MGAT4C: variants seen among roughly 807,000 people sequenced by gnomAD.
MGAT4C encodes the protein MGAT4 family member C, also known as alpha-1,3-mannosyl-glycoprotein 4-beta-N-acetylglucosaminyltransferase C.
Under a neutral mutation model 40.1 loss-of-function variants are expected in MGAT4C, and 19 were observed. The observed-to-expected ratio is 0.47, with a 90% CI of 0.33 to 0.70. The LOEUF is 0.70. Among genes scored for constraint, MGAT4C ranks in the 30% least tolerant of loss-of-function variants. The probability of loss-of-function intolerance (pLI) is 0.02; values close to 1 mark genes in which losing one functional copy is unlikely to be tolerated. For synonymous variants in MGAT4C, 181 were observed against 187.1 expected (o/e 0.97, Z 0.27); for missense variants, 491 against 563.2 (o/e 0.87, Z 1.30).
intron 4 of MGAT4C, among the ~76,000 whole-genome samples, chr12:86,302,043 A>G (rs1953825741): frequency 6.6e-6 from 1 of 150,998 alleles, no homozygotes; most frequent in Non-Finnish European, 1.5e-5. Context: ...ATGAAACTCT[A>G]GAATAAATCT....
At chr12:86,441,929 C>T (rs529511509) in intron 2 of MGAT4C, among the ~76,000 whole-genome samples, 3 of 152,276 alleles carry the variant, frequency 2.0e-5, no homozygotes, top group African/African-American at 7.2e-5. Flanking sequence ...CACTGTCTTC[C>T]ACAATGGTTG....
chr12:86,727,617 T>C (rs1282733207), intron 1 of MGAT4C, among the ~76,000 whole-genome samples: 1 of 152,068 alleles, frequency 6.6e-6, no homozygotes, highest in African/African-American at 2.4e-5. Flanking sequence ...TACTTAATGA[T>C]ACAAAAATTT....
At chr12:86,167,637 CAAGA>C (rs554341435) in intron 1 of MGAT4C, among the ~76,000 whole-genome samples, 31 of 138,270 alleles carry the variant, frequency 2.2e-4, no homozygotes, top group Non-Finnish European at 1.4e-4. Flanking sequence ...CAGTTACATA[CAAGA>C]AAGAGAGGGG....
At chr12:86,802,296 G>C (rs1952244668) in intron 1 of MGAT4C, among the ~76,000 whole-genome samples, 1 of 151,868 alleles carries the variant, frequency 6.6e-6, no homozygotes, top group Non-Finnish European at 1.5e-5. Flanking sequence ...AATTCAGTCT[G>C]TGATTACTGA....
chr12:86,290,627 C>A (rs2136127559), intron 4 of MGAT4C, among the ~76,000 whole-genome samples: 1 of 151,642 alleles, frequency 6.6e-6, no homozygotes, highest in South Asian at 2.1e-4. Flanking sequence ...CTGACAAAAT[C>A]ATTTGTGCAT....
chr12:86,704,348 C>T (rs893359560), intron 2 of MGAT4C, among the ~76,000 whole-genome samples: 5 of 151,914 alleles, frequency 3.3e-5, no homozygotes, highest in Non-Finnish European at 7.4e-5. Flanking sequence ...ACAGACCTTA[C>T]CTTTGACCAA....
At chr12:86,655,239 A>G (rs1963815016) in intron 2 of MGAT4C, among the ~76,000 whole-genome samples, 1 of 151,848 alleles carries the variant, frequency 6.6e-6, no homozygotes, top group Non-Finnish European at 1.5e-5. Flanking sequence ...CCTGTTGTGG[A>G]AGGCAGTGTG....
At chr12:86,789,856 T>C (rs1042220718) in intron 1 of MGAT4C, among the ~76,000 whole-genome samples, 10 of 152,172 alleles carry the variant, frequency 6.6e-5, no homozygotes, top group Admixed American at 6.6e-5. Flanking sequence ...ATGCTATTAC[T>C]ATCTACATTA....
At chr12:86,653,565 C>T (rs553687063) in intron 2 of MGAT4C, among the ~76,000 whole-genome samples, 35 of 151,806 alleles carry the variant, frequency 2.3e-4, no homozygotes, top group South Asian at 6.2e-4. Context: ...TGGATGTGGA[C>T]GGTTTATTAG....
chr12:86,655,090 G>A (rs1314476559), intron 2 of MGAT4C, among the ~76,000 whole-genome samples: 2 of 151,802 alleles, frequency 1.3e-5, no homozygotes, highest in Non-Finnish European at 2.9e-5. Context: ...ACAGCATGCA[G>A]GTTTGTTGCA....
intron 4 of MGAT4C, among the ~76,000 whole-genome samples, chr12:86,277,611 T>A (rs1953108085): frequency 6.6e-6 from 1 of 152,202 alleles, no homozygotes. Flanking sequence ...TTCTTCTGCA[T>A]ATGGATATCC....
rs113979817 is a variant in MGAT4C at position 86,502,253 on chromosome 12, A to C, written c.-228-66988T>G. 3.3e-3 allele frequency among the ~76,000 whole-genome samples: 505 copies of C among 152,136 alleles called. 1 individual carries two copies. Among genetic ancestry groups the C allele is most frequent in the African/African-American group, 0.012 (489 of 41,544 alleles). Reference sequence around the variant, plus strand: ...AGTGAGAGAAGCAAATCCTAAAATGATACATATTATATGATCCCAACTCTG... The same window carrying C: ...AGTGAGAGAAGCAAATCCTAAAATGCTACATATTATATGATCCCAACTCTG... On this transcript the variant is annotated intron_variant, in intron 2 of 7. Transcript: ENST00000548651.
chr12:86,547,471 T>G (rs1178002855), intron 2 of MGAT4C, among the ~76,000 whole-genome samples: 1 of 152,156 alleles, frequency 6.6e-6, no homozygotes, highest in African/African-American at 2.4e-5. Context: ...TTTGACTGTT[T>G]ATCTCATTGA....
chr12:86,315,645 G>T (rs1954196743), intron 4 of MGAT4C, among the ~76,000 whole-genome samples: 1 of 152,164 alleles, frequency 6.6e-6, no homozygotes, highest in East Asian at 1.9e-4. Context: ...GGCGGAGCTT[G>T]CAGTGAGCCG....
At chr12:86,479,974 A>C (rs1280922094) in intron 2 of MGAT4C, among the ~76,000 whole-genome samples, 1 of 151,892 alleles carries the variant, frequency 6.6e-6, no homozygotes, top group Non-Finnish European at 1.5e-5. Flanking sequence ...ATCCTAAGTT[A>C]ATTTAACCGT....
chr12:86,650,139 G>A (rs1963655347), intron 2 of MGAT4C, among the ~76,000 whole-genome samples: 1 of 151,644 alleles, frequency 6.6e-6, no homozygotes, highest in African/African-American at 2.4e-5. Context: ...TATATCCTCT[G>A]ACAACATTGG....
intron 4 of MGAT4C, among the ~76,000 whole-genome samples, chr12:86,325,236 T>C (rs1954497915): frequency 6.6e-6 from 1 of 152,162 alleles, no homozygotes; most frequent in Non-Finnish European, 1.5e-5. Flanking sequence ...TACTGAGGAT[T>C]ATGAAAAGTT....
chr12:86,715,521 T>C (rs760480763), intron 2 of MGAT4C, among the ~76,000 whole-genome samples: 7 of 152,114 alleles, frequency 4.6e-5, no homozygotes, highest in African/African-American at 1.7e-4. Flanking sequence ...AGTTTAAACT[T>C]TTAGAGAGTC....
At position 85,956,865 on chromosome 12, in the gene MGAT4C, G is replaced by A. The variant is rs953085385; in HGVS notation, c.*22424C>T. 6.6e-6 allele frequency: 1 copy of A among 151,556 alleles called. No individual in the cohort carries two copies. Among genetic ancestry groups the A allele is most frequent in the Admixed American group, 6.6e-5 (1 of 15,156 alleles). The allele number at this position is 151,556 out of a possible 1,614,324, so 9.4% of individuals were successfully genotyped here. A position where few individuals can be genotyped will look rare whatever the true frequency, so the allele number is the denominator to read the frequency against. On this transcript the variant is annotated 3_prime_UTR_variant, in exon 5 of 5. Transcript: ENST00000611864. ...TACCGTGGCCCAAGTAATGTTTGAA[G>A]TAACCTTGCTTGGGAAGCTTTGTTG... is the stretch of plus-strand genomic sequence containing the variant.
Sources: gnomAD v4.1 joint callset for allele counts (sites outside exome capture counted in the v4.1 genomes callset) on GRCh38, gnomAD v4.1.1 for gene constraint, MANE v1.5 for transcripts, NCBI Gene and HGNC (gene_info 2026-07-23, HGNC 2026-07-21) for gene names.